Variants in CNTN3 observed in about 807,000 individuals in gnomAD.
CNTN3 encodes contactin-3.
In CNTN3, 60 loss-of-function variants were observed where a neutral mutation model predicts 119.1. That is an observed-to-expected ratio of 0.50 (90% CI 0.41 to 0.62). CNTN3 has a LOEUF of 0.62. CNTN3 is among the 20% of genes least tolerant of loss of function. The probability of loss-of-function intolerance (pLI) is 0.00; values close to 1 mark genes in which losing one functional copy is unlikely to be tolerated. For synonymous variants in CNTN3, 450 were observed against 438.7 expected (o/e 1.03, Z -0.32); for missense variants, 1,101 against 1,242.4 (o/e 0.89, Z 1.71).
chr3:74,519,360 T>A (rs1427635869), intron 2 of CNTN3, among the ~76,000 whole-genome samples: 1 of 151,828 alleles, frequency 6.6e-6, no homozygotes, highest in Non-Finnish European at 1.5e-5. Context: ...CACTGCTTTT[T>A]CTATATATTT....
At chr3:74,536,883 G>T (rs1008242358) in intron 1 of CNTN3, among the ~76,000 whole-genome samples, 1 of 152,080 alleles carries the variant, frequency 6.6e-6, no homozygotes, top group Non-Finnish European at 1.5e-5. Flanking sequence ...AATCAGAGCA[G>T]AGTGCCAGAG....
At chr3:74,401,765 A>C (rs1705200334) in intron 5 of CNTN3, among the ~76,000 whole-genome samples, 1 of 152,136 alleles carries the variant, frequency 6.6e-6, no homozygotes, top group Admixed American at 6.5e-5. Context: ...GAATATTTTG[A>C]TAACTGCTCC....
intron 1 of CNTN3, among the ~76,000 whole-genome samples, chr3:74,538,204 GC>G (rs1162164703): frequency 3.3e-5 from 5 of 152,084 alleles, no homozygotes; most frequent in African/African-American, 1.2e-4. Context: ...CTACAGTGAG[GC>G]TTTTTATATA....
chr3:74,468,927 C>G (rs186013670), intron 4 of CNTN3, among the ~76,000 whole-genome samples: 2 of 151,964 alleles, frequency 1.3e-5, no homozygotes, highest in African/African-American at 4.8e-5. Context: ...TTAGTTTCAA[C>G]AAGTACTGCT....
chr3:74,312,208 CT>C (rs1180793750), intron 13 of CNTN3, among the ~76,000 whole-genome samples: 1 of 151,996 alleles, frequency 6.6e-6, no homozygotes, highest in African/African-American at 2.4e-5. Context: ...AATCCCAGCA[CT>C]TTGGGAGGCC....
intron 13 of CNTN3, among the ~76,000 whole-genome samples, chr3:74,332,375 A>G (rs1265847243): frequency 3.3e-5 from 5 of 152,228 alleles, no homozygotes; most frequent in Admixed American, 6.5e-5. Flanking sequence ...AATGGCACAA[A>G]AAATTCTTAG....
At chr3:74,360,240 C>A (rs1017451746) in intron 11 of CNTN3, among the ~76,000 whole-genome samples, 2 of 152,156 alleles carry the variant, frequency 1.3e-5, no homozygotes, top group Admixed American at 6.5e-5. Context: ...ATCCACATTT[C>A]TTGGCCTAAG....
intron 8 of CNTN3, among the ~76,000 whole-genome samples, chr3:74,367,254 G>A (rs1226882731): frequency 2.6e-5 from 4 of 151,804 alleles, no homozygotes; most frequent in Non-Finnish European, 2.9e-5. Flanking sequence ...TTATTTTTTA[G>A]GTATGTATCA....
intron 2 of CNTN3, among the ~76,000 whole-genome samples, chr3:74,509,043 T>C (rs756405236): frequency 3.9e-5 from 6 of 152,216 alleles, no homozygotes; most frequent in Admixed American, 3.3e-4. Flanking sequence ...AGAGAAATAC[T>C]GTGTATTGCC....
intron 13 of CNTN3, among the ~76,000 whole-genome samples, chr3:74,310,790 G>C (rs1337109956): frequency 3.9e-5 from 6 of 152,202 alleles, no homozygotes; most frequent in Non-Finnish European, 8.8e-5. Context: ...TCATGCTGCA[G>C]TAAGAGCATG....
intron 1 of CNTN3, among the ~76,000 whole-genome samples, chr3:74,530,117 T>C (rs958520935): frequency 6.6e-6 from 1 of 151,956 alleles, no homozygotes; most frequent in Admixed American, 6.6e-5. Context: ...AGAAAGAATA[T>C]TTTAAAATAA....
rs1450392523 is a variant in CNTN3 at position 74,526,598 on chromosome 3, C to T, written c.-80-5406G>A. Among the ~76,000 whole-genome samples, 8 of 151,886 alleles carry T rather than the reference C, an allele frequency of 5.3e-5. No homozygotes were observed. The South Asian group carries it at 6.2e-4, about 12-fold the overall frequency. ...ATCAAAGTTACATGAACTCTGGGCT[C>T]CAAATCCAAAATTCTTAAACAGCTC... On this transcript the variant is annotated intron_variant, in intron 1 of 22. Coordinates refer to ENST00000263665, the MANE Select transcript of CNTN3 (RefSeq NM_020872.3).
At chr3:74,352,469 C>A (rs1703838631) in intron 11 of CNTN3, among the ~76,000 whole-genome samples, 1 of 152,130 alleles carries the variant, frequency 6.6e-6, no homozygotes, top group Non-Finnish European at 1.5e-5. Context: ...TAACAGTGCC[C>A]CCTTTCCCTT....
chr3:74,332,969 A>T (rs1319789209), intron 13 of CNTN3, among the ~76,000 whole-genome samples: 2 of 152,242 alleles, frequency 1.3e-5, no homozygotes, highest in African/African-American at 4.8e-5. Context: ...TATGGAGTAG[A>T]GAGCTAGCTC....
chr3:74,399,120 G>GT (rs895881463), intron 5 of CNTN3, among the ~76,000 whole-genome samples: 4 of 151,382 alleles, frequency 2.6e-5, no homozygotes, highest in South Asian at 2.1e-4. Flanking sequence ...CTAACTGTAA[G>GT]TTTTTTTTTA....
chr3:74,598,166 C>T (rs113020017), intron 1 of CNTN3, among the ~76,000 whole-genome samples: 27 of 152,178 alleles, frequency 1.8e-4, no homozygotes, highest in African/African-American at 6.5e-4. Flanking sequence ...AGGTGATGCT[C>T]TGCCAGTCCC....
intron 5 of CNTN3, among the ~76,000 whole-genome samples, chr3:74,409,755 T>C (rs1339593590): frequency 6.6e-6 from 1 of 152,196 alleles, no homozygotes; most frequent in East Asian, 1.9e-4. Flanking sequence ...AAGAAGTCAA[T>C]TTTTAGCTTA....
intron 5 of CNTN3, among the ~76,000 whole-genome samples, chr3:74,415,397 C>T (rs1701504118): frequency 6.6e-6 from 1 of 152,158 alleles, no homozygotes; most frequent in East Asian, 1.9e-4. Context: ...CTTTCCAGAG[C>T]TCTTTGTGGT....
intron 8 of CNTN3, among the ~76,000 whole-genome samples, chr3:74,368,232 C>T (rs1012503299): frequency 2.0e-5 from 3 of 152,050 alleles, no homozygotes; most frequent in Admixed American, 1.3e-4. Context: ...TTTTTCAAGG[C>T]GGGGTGTCAT....
Sources: allele counts gnomAD v4.1 joint callset (sites outside exome capture counted in the v4.1 genomes callset), GRCh38; gene constraint gnomAD v4.1.1; transcripts MANE v1.5; gene names NCBI Gene and HGNC (gene_info 2026-07-23, HGNC 2026-07-21).